Variants in PPARGC1A observed in about 807,000 individuals in gnomAD.
The protein encoded by PPARGC1A is peroxisome proliferator-activated receptor gamma coactivator 1-alpha.
In PPARGC1A, 25 loss-of-function variants were observed where a neutral mutation model predicts 88.7. The ratio of observed to expected loss-of-function variants is 0.28; its 90% confidence interval spans 0.21 to 0.39. The LOEUF (loss-of-function observed/expected upper bound fraction) is 0.39. Among genes scored for constraint, PPARGC1A ranks in the 10% least tolerant of loss-of-function variants. PPARGC1A has a pLI of 1.00. For synonymous variants in PPARGC1A, 363 were observed against 355.6 expected, an observed-to-expected ratio of 1.02 and a Z score of -0.24; for missense variants, 880 against 968.7, an observed-to-expected ratio of 0.91 and a Z score of 1.22.
the PPARGC1A span, among the ~76,000 whole-genome samples, chr4:24,266,334 C>T: frequency 4.6e-5 from 7 of 152,106 alleles, no homozygotes; most frequent in Non-Finnish European, 5.9e-5. Context: ...AGGAAAAATG[C>T]AGCTGCTCTG....
At chr4:24,034,973 C>A in the PPARGC1A span, among the ~76,000 whole-genome samples, 1 of 152,088 alleles carries the variant, frequency 6.6e-6, no homozygotes, top group African/African-American at 2.4e-5. Flanking sequence ...CCAATTCTGC[C>A]CTCCTATAAA....
At chr4:23,813,553 G>C (rs181853966) in intron 8 of PPARGC1A, 137 bp downstream of exon 8, 10 of 759,102 alleles carry the variant, frequency 1.3e-5, no homozygotes, top group Non-Finnish European at 1.7e-5. Context: ...CAATGTTCTC[G>C]TTAGTTCCAG....
At chr4:23,861,994 C>A (rs1424002224) in intron 2 of PPARGC1A, among the ~76,000 whole-genome samples, 1 of 152,132 alleles carries the variant, frequency 6.6e-6, no homozygotes, top group Admixed American at 6.5e-5. Context: ...CAACCAAATG[C>A]CAGCAAAAAT....
chr4:23,840,431 C>T (rs576457299), intron 2 of PPARGC1A, among the ~76,000 whole-genome samples: 1 of 152,206 alleles, frequency 6.6e-6, no homozygotes, highest in South Asian at 2.1e-4. Flanking sequence ...GGCCTTTGCA[C>T]TTGCTGTTTT....
At chr4:23,800,971 T>C (rs192734649) in intron 12 of PPARGC1A, among the ~76,000 whole-genome samples, 2,373 of 151,200 alleles carry the variant, frequency 0.016, 66 homozygotes, top group Admixed American at 0.075. Context: ...TTCTTTCTTT[T>C]TTTTTTTTTT....
At chr4:24,240,084 T>C in the PPARGC1A span, among the ~76,000 whole-genome samples, 1,018 of 152,294 alleles carry the variant, frequency 6.7e-3, 9 homozygotes, top group African/African-American at 0.023. Context: ...ATGGAAAGTG[T>C]AGTACAAATG....
the PPARGC1A span, among the ~76,000 whole-genome samples, chr4:24,245,925 G>GTGCACA: frequency 5.3e-4 from 78 of 148,476 alleles, no homozygotes; most frequent in African/African-American, 1.9e-3. Flanking sequence ...AAAGCCATGT[G>GTGCACA]CACACACACA....
At chr4:24,079,096 G>A in the PPARGC1A span, among the ~76,000 whole-genome samples, 1 of 151,932 alleles carries the variant, frequency 6.6e-6, no homozygotes, top group Admixed American at 6.6e-5. Flanking sequence ...CATCAAAATA[G>A]CCATCCTTTC....
the PPARGC1A span, among the ~76,000 whole-genome samples, chr4:24,449,717 CT>C: frequency 2.0e-5 from 3 of 152,164 alleles, no homozygotes; most frequent in African/African-American, 7.2e-5. Context: ...ACTTTTTCCA[CT>C]GATAATAGAA....
the PPARGC1A span, among the ~76,000 whole-genome samples, chr4:24,221,790 T>G: frequency 7.5e-6 from 1 of 133,022 alleles, no homozygotes; most frequent in African/African-American, 2.6e-5. Context: ...AAGTAAAATT[T>G]TCAAAAGCTT....
Position 23,800,724 on chromosome 4 carries a change from T to C in PPARGC1A, c.2293+1006A>G, listed in dbSNP as rs571111208. On this transcript the variant is annotated intron_variant, in intron 12 of 12. Coordinates refer to ENST00000264867, the MANE Select transcript of PPARGC1A (RefSeq NM_013261.5). ...TCCTGGATGACAGGCTGATACATGA[T>C]TTTAATTTTTTTCTTAATACCTTTT... Among the ~76,000 whole-genome samples the C allele has an allele frequency of 5.9e-5, 9 of 151,640 alleles. No homozygotes were observed. In the South Asian group the frequency reaches 1.7e-3, roughly 28 times the overall value.
chr4:24,088,663 TA>T, the PPARGC1A span, among the ~76,000 whole-genome samples: 2 of 152,144 alleles, frequency 1.3e-5, no homozygotes, highest in Non-Finnish European at 2.9e-5. Flanking sequence ...GAGTAAGGGT[TA>T]AAAAAATAAA....
At chr4:24,087,053 A>G in the PPARGC1A span, among the ~76,000 whole-genome samples, 33 of 152,226 alleles carry the variant, frequency 2.2e-4, no homozygotes, top group African/African-American at 8.0e-4. Flanking sequence ...ATAATAGTAA[A>G]GATACCTCAA....
chr4:23,982,815 T>A, the PPARGC1A span, among the ~76,000 whole-genome samples: 1 of 151,934 alleles, frequency 6.6e-6, no homozygotes, highest in African/African-American at 2.4e-5. Context: ...TGTAAAGCAG[T>A]TGACCCACAG....
the PPARGC1A span, among the ~76,000 whole-genome samples, chr4:23,992,846 C>G: frequency 6.6e-6 from 1 of 152,126 alleles, no homozygotes; most frequent in Non-Finnish European, 1.5e-5. Context: ...CTAGCCAAAT[C>G]TTTCAACATT....
the PPARGC1A span, among the ~76,000 whole-genome samples, chr4:24,232,451 C>T: frequency 0.39 from 58,993 of 151,928 alleles, 12,415 homozygotes; most frequent in Middle Eastern, 0.5. Flanking sequence ...AGGACATCTC[C>T]GAATGCCTGC....
chr4:24,365,700 T>TC, the PPARGC1A span, among the ~76,000 whole-genome samples: 2 of 152,300 alleles, frequency 1.3e-5, no homozygotes, highest in South Asian at 4.1e-4. Flanking sequence ...ATGCCTTTTT[T>TC]CCCAATCACA....
the PPARGC1A span, among the ~76,000 whole-genome samples, chr4:24,081,713 G>GC: frequency 3.3e-5 from 5 of 151,788 alleles, no homozygotes; most frequent in Non-Finnish European, 7.4e-5. Flanking sequence ...CAATTGATTC[G>GC]CACTAATGAG....
At chr4:24,439,858 G>C in the PPARGC1A span, among the ~76,000 whole-genome samples, 2 of 152,194 alleles carry the variant, frequency 1.3e-5, no homozygotes, top group African/African-American at 2.4e-5. Context: ...GCATTCATGG[G>C]AACATGACTC....
Sources: allele counts gnomAD v4.1 joint callset (sites outside exome capture counted in the v4.1 genomes callset), GRCh38; gene constraint gnomAD v4.1.1; transcripts MANE v1.5; gene names NCBI Gene and HGNC (gene_info 2026-07-23, HGNC 2026-07-21).